Variants in NOCT observed in about 807,000 individuals in gnomAD.
NOCT encodes the protein CCR4 carbon catabolite repression 4-like.
In NOCT, 18 loss-of-function variants were observed where a neutral mutation model predicts 35.0. The ratio of observed to expected loss-of-function variants is 0.51; its 90% CI spans 0.36 to 0.76. The LOEUF (loss-of-function observed/expected upper bound fraction) is 0.76. NOCT is among the 30% of genes least tolerant of loss of function. The pLI is 0.01. For synonymous variants in NOCT, 235 were observed against 226.3 expected (o/e 1.04, Z -0.34); for missense variants, 479 against 541.0 (o/e 0.89, Z 1.14).
At chr4:139,021,048 C>G (rs1726399831) in intron 1 of NOCT, among the ~76,000 whole-genome samples, 1 of 131,766 alleles carries the variant, frequency 7.6e-6, no homozygotes, top group African/African-American at 2.9e-5. Flanking sequence ...GCCTGGGCGA[C>G]AGTAGGAGCA....
intron 1 of NOCT, among the ~76,000 whole-genome samples, chr4:139,018,997 G>T (rs1325461733): frequency 6.6e-6 from 1 of 152,206 alleles, no homozygotes; most frequent in Admixed American, 6.5e-5. Context: ...TGCAAAAATG[G>T]ACATTGTTTT....
At chr4:139,016,724 G>A (rs1394481594) in intron 1 of NOCT, among the ~76,000 whole-genome samples, 1 of 118,812 alleles carries the variant, frequency 8.4e-6, no homozygotes, top group Non-Finnish European at 1.6e-5. Context: ...CACGATATCG[G>A]CTTACCGCAA....
At chr4:139,016,311 A>G in intron 1 of NOCT, 140 bp downstream of exon 1, 1 of 440,718 alleles carries the variant, frequency 2.3e-6, no homozygotes, top group Non-Finnish European at 3.6e-6. Flanking sequence ...TTACCGGAGC[A>G]ACCTTCTGCG....
intron 1 of NOCT, among the ~76,000 whole-genome samples, chr4:139,029,130 C>T (rs1018278078): frequency 1.3e-5 from 2 of 152,186 alleles, no homozygotes; most frequent in Admixed American, 1.3e-4. Flanking sequence ...TGAGCCACCA[C>T]GCCCAGCTGA....
chr4:139,034,824 G>A (rs1038653164), intron 1 of NOCT, among the ~76,000 whole-genome samples: 4 of 152,152 alleles, frequency 2.6e-5, no homozygotes, highest in African/African-American at 7.2e-5. Flanking sequence ...GCCTCCCAGA[G>A]TGCTGGGATT....
At chr4:139,040,491 G>A (rs1458608582) in intron 1 of NOCT, among the ~76,000 whole-genome samples, 10 of 152,130 alleles carry the variant, frequency 6.6e-5, no homozygotes, top group Non-Finnish European at 1.2e-4. Context: ...TTTTTAGAAG[G>A]AAGTGTGGTT....
chr4:139,017,604 TAGATCACCCG>T (rs1235427497), intron 1 of NOCT, among the ~76,000 whole-genome samples: 1 of 147,088 alleles, frequency 6.8e-6, no homozygotes, highest in South Asian at 2.3e-4. Context: ...CGGAGGCGGG[TAGATCACCCG>T]AGGTCAGGAG....
intron 1 of NOCT, among the ~76,000 whole-genome samples, chr4:139,025,851 C>T (rs945146409): frequency 2.0e-5 from 3 of 151,892 alleles, no homozygotes; most frequent in Non-Finnish European, 2.9e-5. Flanking sequence ...TCTTCAAGAT[C>T]TTAGGAAGGA....
intron 1 of NOCT, among the ~76,000 whole-genome samples, chr4:139,033,364 C>CA (rs534407323): frequency 0.018 from 2,527 of 137,348 alleles, 29 homozygotes; most frequent in African/African-American, 0.027. Flanking sequence ...GACTCCATCT[C>CA]AAAAAAAAAA....
At chr4:139,021,516 GA>G (rs138152233) in intron 1 of NOCT, among the ~76,000 whole-genome samples, 23 of 145,540 alleles carry the variant, frequency 1.6e-4, no homozygotes, top group Non-Finnish European at 2.4e-4. Context: ...TACTCTCAAA[GA>G]AAAAAAAAAG....
chr4:139,022,302 T>C (rs1197274039), intron 1 of NOCT, among the ~76,000 whole-genome samples: 3 of 152,218 alleles, frequency 2.0e-5, no homozygotes, highest in Non-Finnish European at 4.4e-5. Context: ...TGTATCTATG[T>C]GGCCTCAAAG....
Position 139,045,100 on chromosome 4 carries a change from C to T in NOCT, c.922C>T (p.Leu308=). ...TCAAGGCTGTGACCTCCTTCAGAAC[C>T]TGCAAAACATCACCCAAGGAGCCAA... ...SAQGCDLLQN[L]QNITQGAKIP... is the part of the protein sequence containing the mutation. The change falls in exon 3 of 3, where the codon CTG becomes TTG. Residue 308 remains leucine, a synonymous_variant. Coordinates refer to ENST00000280614, the MANE Select transcript of NOCT (RefSeq NM_012118.4). 6.2e-7 allele frequency: 1 copy of T among 1,614,206 alleles called. No homozygotes were observed.
rs1459094119 is a variant in NOCT, at chr4:139,043,296, G to A, written c.413G>A (p.Ser138Asn). Reference sequence around the variant, plus strand: ...GTGGATCTGAGGACAGATTGCCCTAGTACCCACCCACCTATCAGGGTTATG... The same window carrying A: ...GTGGATCTGAGGACAGATTGCCCTAATACCCACCCACCTATCAGGGTTATG... ...DFVDLRTDCPSTHPPIRVMQW... is the reference protein window; with the variant it reads ...DFVDLRTDCPNTHPPIRVMQW... Residue 138 changes from serine to asparagine, a missense_variant, in exon 2 of 3, where the codon AGT (serine) becomes AAT (asparagine). Physicochemically the swap from Ser to Asn is conservative, Grantham distance 46 (BLOSUM62 1). Transcript: ENST00000280614. The A allele has an allele frequency of 1.9e-6, 3 of 1,614,156 alleles. No individual in the cohort carries two copies. The highest frequency in any genetic ancestry group is 2.5e-6 in the Non-Finnish European group (3 of 1,180,020).
At chr4:139,020,035 G>A (rs1025676670) in intron 1 of NOCT, among the ~76,000 whole-genome samples, 6 of 152,160 alleles carry the variant, frequency 3.9e-5, no homozygotes, top group African/African-American at 1.4e-4. Flanking sequence ...GAGAAGAAAC[G>A]GGAAAGCTTG....
intron 1 of NOCT, among the ~76,000 whole-genome samples, chr4:139,037,329 T>C (rs1578631601): frequency 6.6e-6 from 1 of 152,276 alleles, no homozygotes; most frequent in East Asian, 1.9e-4. Context: ...AATTGCAGTG[T>C]ATTATTCCAT....
intron 1 of NOCT, among the ~76,000 whole-genome samples, chr4:139,036,401 C>T (rs751552368): frequency 1.3e-5 from 2 of 152,080 alleles, no homozygotes; most frequent in Non-Finnish European, 2.9e-5. Flanking sequence ...GGCTCCAACT[C>T]AAAGATTTGA....
rs1369740668 is a variant in NOCT, at chr4:139,043,090, C to T, written c.207C>T (p.Thr69=). 6 of 1,596,616 alleles carry T rather than the reference C, an allele frequency of 3.8e-6. No homozygotes were observed. The highest frequency in any genetic ancestry group is 4.3e-6 in the Non-Finnish European group (5 of 1,165,866). The change falls in exon 2 of 3, where the codon ACC becomes ACT. Residue 69 remains threonine (T), a synonymous_variant. Transcript: ENST00000280614. ...SCSRTVCSMG[T]GTSRLYSALA... ...TTTCCGTAGTGTGTTCCATGGGAACCGGTACAAGCAGACTCTATAGTGCTC... is the reference window on the plus strand; with the variant it reads ...TTTCCGTAGTGTGTTCCATGGGAACTGGTACAAGCAGACTCTATAGTGCTC...
intron 1 of NOCT, among the ~76,000 whole-genome samples, chr4:139,017,291 G>T (rs1156709650): frequency 1.4e-5 from 2 of 143,924 alleles, no homozygotes; most frequent in African/African-American, 5.1e-5. Flanking sequence ...GCAATGGCGC[G>T]ATCTCGGCTC....
intron 1 of NOCT, among the ~76,000 whole-genome samples, chr4:139,023,915 C>T (rs1726466843): frequency 6.6e-6 from 1 of 152,166 alleles, no homozygotes; most frequent in Non-Finnish European, 1.5e-5. Flanking sequence ...TGCGCCCATC[C>T]AATCTAAAGA....
Sources: gnomAD v4.1 joint callset for allele counts (sites outside exome capture counted in the v4.1 genomes callset) on GRCh38, gnomAD v4.1.1 for gene constraint, MANE v1.5 for transcripts, NCBI Gene and HGNC (gene_info 2026-07-23, HGNC 2026-07-21) for gene names.